The following PAMR1 variants were observed in gnomAD, a reference collection of about 807,000 sequenced individuals.
The protein encoded by PAMR1 is peptidase domain containing associated with muscle regeneration 1.
In PAMR1, 88 loss-of-function variants were observed where a neutral mutation model predicts 81.8. That is an observed-to-expected ratio of 1.08 (90% CI 0.91 to 1.28). The LOEUF (loss-of-function observed/expected upper bound fraction) is 1.28. Ranked by LOEUF, PAMR1 falls within the 50% of genes most tolerant of loss-of-function variation. The pLI is 0.00. For missense variants in PAMR1, 935 were observed against 919.7 expected (o/e 1.02, Z -0.21); for synonymous variants, 336 against 345.3 (o/e 0.97, Z 0.30).
At position 35,435,932 on chromosome 11, in the gene PAMR1, C is replaced by T; in HGVS notation, c.1304G>A (p.Trp435Ter). ...SRRTCLRTGK[W>*]SGRAPSCIPI... ...GATGCAGGATGGTGCCCGCCCACTC[C>T]ACTTCCCAGTCCTCAGACATGTCCT... is the stretch of plus-strand genomic sequence containing the variant. The change falls in exon 9 of 11, where the codon TGG becomes TAG. Residue 435 changes from tryptophan (W) to a stop codon, truncating the protein, a stop_gained. Coordinates refer to ENST00000619888, the MANE Select transcript of PAMR1 (RefSeq NM_001001991.3). LOFTEE classifies it high-confidence loss of function. 1 of 1,614,166 alleles carries T rather than the reference C, an allele frequency of 6.2e-7. No homozygotes were observed. The highest frequency in any genetic ancestry group is 2.2e-5 in the East Asian group (1 of 44,876).
intron 1 of PAMR1, among the ~76,000 whole-genome samples, chr11:35,507,950 G>C (rs1851000536): frequency 1.3e-5 from 2 of 152,132 alleles, no homozygotes; most frequent in African/African-American, 4.8e-5. Context: ...GTTTTGAAAG[G>C]CTGGCTAGGA....
chr11:35,528,762 G>A (rs1327172149), upstream of PAMR1, among the ~76,000 whole-genome samples: 1 of 152,198 alleles, frequency 6.6e-6, no homozygotes, highest in Non-Finnish European at 1.5e-5. Context: ...AGGTTCAGGG[G>A]TCTGGAAACA....
chr11:35,526,696 G>A (rs1482003536), upstream of PAMR1, among the ~76,000 whole-genome samples: 3 of 152,190 alleles, frequency 2.0e-5, no homozygotes, highest in African/African-American at 7.2e-5. Flanking sequence ...TATAGTCTTA[G>A]CCACTAGGCT....
chr11:35,518,446 G>A (rs1451893670), intron 1 of PAMR1, among the ~76,000 whole-genome samples: 1 of 151,590 alleles, frequency 6.6e-6, no homozygotes, highest in Non-Finnish European at 1.5e-5. Context: ...CCTCTTTAAT[G>A]GTGAGATATT....
chr11:35,525,165 CA>C (rs1268197662), intron 1 of PAMR1, among the ~76,000 whole-genome samples: 1 of 152,148 alleles, frequency 6.6e-6, no homozygotes, highest in Non-Finnish European at 1.5e-5. Flanking sequence ...TTTTGCAAGT[CA>C]GAGCGGGTAA....
intron 1 of PAMR1, among the ~76,000 whole-genome samples, chr11:35,522,515 G>A (rs2135428636): frequency 6.6e-6 from 1 of 152,242 alleles, no homozygotes; most frequent in Non-Finnish European, 1.5e-5. Context: ...CTGTGTTATA[G>A]CACGTATCAG....
intron 6 of PAMR1, among the ~76,000 whole-genome samples, chr11:35,464,212 C>T (rs1166423840): frequency 6.6e-6 from 1 of 152,088 alleles, no homozygotes; most frequent in Non-Finnish European, 1.5e-5. Flanking sequence ...ATGTTAAAAG[C>T]AATATCAAGT....
At chr11:35,440,345 C>T (rs540866391) in intron 7 of PAMR1, among the ~76,000 whole-genome samples, 2 of 152,322 alleles carry the variant, frequency 1.3e-5, no homozygotes, top group South Asian at 4.1e-4. Context: ...ACAAAAATCT[C>T]CAAGGACATA....
chr11:35,494,564 A>T (rs1590374406), intron 1 of PAMR1, among the ~76,000 whole-genome samples: 1 of 151,882 alleles, frequency 6.6e-6, no homozygotes, highest in Non-Finnish European at 1.5e-5. Flanking sequence ...CGATTTCCTC[A>T]CCTCGTGATC....
At chr11:35,448,840 T>C (rs1292217100) in intron 6 of PAMR1, among the ~76,000 whole-genome samples, 1 of 152,202 alleles carries the variant, frequency 6.6e-6, no homozygotes, top group Non-Finnish European at 1.5e-5. Context: ...GTCTTTTTTG[T>C]TGATGTTGTT....
rs972557706 is a variant in PAMR1 at position 35,519,601 on chromosome 11, T to C, written c.73+5912A>G. 2.6e-5 allele frequency among the ~76,000 whole-genome samples: 4 copies of C among 152,194 alleles called. No homozygotes were observed. The East Asian group carries it at 7.7e-4, about 29-fold the overall frequency. On this transcript the variant is annotated intron_variant, in intron 1 of 10. Coordinates refer to ENST00000619888, the MANE Select transcript of PAMR1 (RefSeq NM_001001991.3). ...CCAGAAACTGGTTGGACTTTTGGTC[T>C]GCCTGGCACCCCTGTTTCCTCTAGG...
intron 6 of PAMR1, among the ~76,000 whole-genome samples, chr11:35,464,090 C>T (rs1249991902): frequency 6.6e-6 from 1 of 152,068 alleles, no homozygotes; most frequent in East Asian, 1.9e-4. Flanking sequence ...ATACGTGTAC[C>T]CTTTGAATGA....
chr11:35,509,533 T>G (rs555308033), intron 1 of PAMR1, among the ~76,000 whole-genome samples: 18 of 152,386 alleles, frequency 1.2e-4, no homozygotes, highest in African/African-American at 4.3e-4. Context: ...TTTAACATTA[T>G]TTCAGCTAAA....
At chr11:35,471,005 C>T (rs946612408) in intron 4 of PAMR1, among the ~76,000 whole-genome samples, 187 bp from the exon 5 acceptor site, 2 of 152,170 alleles carry the variant, frequency 1.3e-5, no homozygotes, top group Non-Finnish European at 2.9e-5. Context: ...TATTTGTGCA[C>T]TGTTTGCATG....
At chr11:35,478,050 G>T (rs1296984722) in intron 3 of PAMR1, among the ~76,000 whole-genome samples, 1 of 152,126 alleles carries the variant, frequency 6.6e-6, no homozygotes, top group Non-Finnish European at 1.5e-5. Flanking sequence ...TTAAATCCCA[G>T]CTCCCTCAGC....
At chr11:35,452,978 C>A (rs1055940375) in intron 6 of PAMR1, among the ~76,000 whole-genome samples, 1 of 152,070 alleles carries the variant, frequency 6.6e-6, no homozygotes, top group Non-Finnish European at 1.5e-5. Context: ...CCAGAGCAAG[C>A]GTATAGTAGG....
intron 2 of PAMR1, among the ~76,000 whole-genome samples, chr11:35,492,867 C>A (rs373086976): frequency 3.3e-5 from 5 of 152,074 alleles, no homozygotes; most frequent in Non-Finnish European, 5.9e-5. Flanking sequence ...AGAGGGGGGT[C>A]GTGAGAAAAA....
chr11:35,499,892 G>A (rs564272262), intron 1 of PAMR1, among the ~76,000 whole-genome samples: 1 of 152,192 alleles, frequency 6.6e-6, no homozygotes, highest in East Asian at 1.9e-4. Flanking sequence ...GTAATATCCA[G>A]GTGGAACCAA....
At chr11:35,496,473 C>T (rs908463656) in intron 1 of PAMR1, among the ~76,000 whole-genome samples, 5 of 151,986 alleles carry the variant, frequency 3.3e-5, no homozygotes, top group African/African-American at 1.2e-4. Flanking sequence ...GACATTTCTC[C>T]AAAGAAGCTA....
Sources: gnomAD v4.1 joint callset for allele counts (sites outside exome capture counted in the v4.1 genomes callset) on GRCh38, gnomAD v4.1.1 for gene constraint, MANE v1.5 for transcripts, NCBI Gene and HGNC (gene_info 2026-07-23, HGNC 2026-07-21) for gene names.